CCSER1: variants seen among roughly 807,000 people sequenced by gnomAD.
CCSER1 encodes the protein serine-rich coiled-coil domain-containing protein 1.
Under a neutral mutation model 82.0 loss-of-function variants are expected in CCSER1, and 41 were observed. That is an observed-to-expected ratio of 0.50 (90% CI 0.39 to 0.65). The LOEUF (loss-of-function observed/expected upper bound fraction) is 0.65, where lower values mean the gene tolerates loss of function less well. CCSER1 is among the 30% of genes least tolerant of loss of function. The pLI is 0.00. For missense variants in CCSER1, 1,119 were observed against 1,064.2 expected (o/e 1.05, Z -0.72); for synonymous variants, 414 against 383.9 (o/e 1.08, Z -0.92).
At chr4:91,283,793 T>A (rs1466390265) in intron 10 of CCSER1, among the ~76,000 whole-genome samples, 2 of 151,668 alleles carry the variant, frequency 1.3e-5, no homozygotes, top group African/African-American at 2.4e-5. Flanking sequence ...AAAAAAAAAA[T>A]TTGTTTTATT....
At chr4:91,021,458 AAT>A (rs1324639265) in intron 9 of CCSER1, among the ~76,000 whole-genome samples, 1 of 152,224 alleles carries the variant, frequency 6.6e-6, no homozygotes, top group African/African-American at 2.4e-5. Context: ...TTGATTTAAA[AAT>A]AGTTTTTTTA....
intron 7 of CCSER1, among the ~76,000 whole-genome samples, chr4:90,813,463 T>C (rs2149754092): frequency 6.6e-6 from 1 of 152,262 alleles, no homozygotes; most frequent in South Asian, 2.1e-4. Flanking sequence ...TTTGGCTGTG[T>C]CCCCACCCAA....
chr4:90,156,385 A>T (rs916195652), intron 1 of CCSER1, among the ~76,000 whole-genome samples: 2 of 152,190 alleles, frequency 1.3e-5, no homozygotes, highest in Admixed American at 6.5e-5. Flanking sequence ...GATTTCTATT[A>T]GGTCCACTTC....
chr4:90,825,609 G>T (rs1306659904), intron 8 of CCSER1, among the ~76,000 whole-genome samples: 1 of 151,994 alleles, frequency 6.6e-6, no homozygotes, highest in Admixed American at 6.6e-5. Flanking sequence ...GTTTAAAGAT[G>T]TAATTGGCTT....
chr4:90,458,633 G>A (rs567804086), intron 4 of CCSER1, among the ~76,000 whole-genome samples: 2 of 152,016 alleles, frequency 1.3e-5, no homozygotes, highest in Non-Finnish European at 2.9e-5. Context: ...GGGATTAAAG[G>A]CGTGAGCCAC....
At chr4:91,031,175 A>G (rs145961285) in intron 9 of CCSER1, among the ~76,000 whole-genome samples, 348 of 152,304 alleles carry the variant, frequency 2.3e-3, no homozygotes, top group African/African-American at 7.0e-3. Flanking sequence ...ACTATTACAG[A>G]TGTCACTGCC....
intron 8 of CCSER1, among the ~76,000 whole-genome samples, chr4:90,915,873 GACAA>G (rs751286557): frequency 6.6e-6 from 1 of 151,756 alleles, no homozygotes; most frequent in Non-Finnish European, 1.5e-5. Context: ...ACCAATAACA[GACAA>G]ACAGAGAGCC....
chr4:90,883,884 G>C (rs1170526332), intron 8 of CCSER1, among the ~76,000 whole-genome samples: 1 of 152,124 alleles, frequency 6.6e-6, no homozygotes, highest in Non-Finnish European at 1.5e-5. Context: ...GAAAGAAGGA[G>C]AAAGGGAAAT....
intron 6 of CCSER1, among the ~76,000 whole-genome samples, chr4:90,698,635 G>A (rs939268067): frequency 6.6e-6 from 1 of 152,158 alleles, no homozygotes; most frequent in African/African-American, 2.4e-5. Context: ...CCAATGTAAT[G>A]TATTGAACCT....
intron 3 of CCSER1, among the ~76,000 whole-genome samples, chr4:90,394,034 C>A (rs1268007726): frequency 1.3e-5 from 2 of 151,392 alleles, no homozygotes; most frequent in African/African-American, 4.8e-5. Context: ...TGTGCCTCAG[C>A]CTCCCAAAGT....
intron 10 of CCSER1, among the ~76,000 whole-genome samples, chr4:91,340,992 A>G (rs1458046013): frequency 6.6e-6 from 1 of 152,194 alleles, no homozygotes; most frequent in East Asian, 1.9e-4. Flanking sequence ...TAATGGACAT[A>G]ACTGAAACTC....
chr4:91,086,998 G>A (rs190958135), intron 10 of CCSER1, among the ~76,000 whole-genome samples: 3 of 152,194 alleles, frequency 2.0e-5, no homozygotes, highest in Non-Finnish European at 4.4e-5. Flanking sequence ...CATGTTGTAG[G>A]AGAGCAAGAT....
intron 10 of CCSER1, among the ~76,000 whole-genome samples, chr4:91,393,944 A>G (rs910710900): frequency 1.3e-5 from 2 of 152,076 alleles, no homozygotes. Flanking sequence ...CTTCCCTCCC[A>G]TTACTTTTCT....
chr4:91,082,855 A>T (rs182405725), intron 9 of CCSER1, among the ~76,000 whole-genome samples: 2,613 of 152,330 alleles, frequency 0.017, 81 homozygotes, highest in African/African-American at 0.059. Flanking sequence ...TCAAAACCAC[A>T]ATGAGATACC....
At chr4:91,359,332 G>A (rs894654635) in intron 10 of CCSER1, among the ~76,000 whole-genome samples, 5 of 151,812 alleles carry the variant, frequency 3.3e-5, no homozygotes, top group Admixed American at 6.6e-5. Context: ...CAGGCCTGGC[G>A]CCAGGCTGCC....
intron 3 of CCSER1, among the ~76,000 whole-genome samples, chr4:90,329,598 G>A (rs567005064): frequency 3.0e-3 from 454 of 152,160 alleles, no homozygotes; most frequent in Non-Finnish European, 4.3e-3. Flanking sequence ...TAAGGGTAAT[G>A]TGCTATTTAC....
rs181253862 is a variant in CCSER1, at chr4:90,262,739, A to G, written c.-41-45505A>G. ...TGGGAGCTACCTTAACTCCCCTGCC[A>G]GGCCAGTAGGAAATCTGTCTACCTC... On this transcript the variant is annotated intron_variant, in intron 1 of 10. Coordinates refer to ENST00000509176, the MANE Select transcript of CCSER1 (RefSeq NM_001145065.2). Among the ~76,000 whole-genome samples, 551 of 152,226 alleles carry G rather than the reference A, an allele frequency of 3.6e-3. 5 individuals carry two copies. Among genetic ancestry groups the G allele is most frequent in the Middle Eastern group, 0.014 (4 of 294 alleles).
intron 5 of CCSER1, among the ~76,000 whole-genome samples, chr4:90,567,039 A>G (rs1159994570): frequency 6.6e-6 from 1 of 150,430 alleles, no homozygotes. Context: ...AACAAAAACA[A>G]AAAAACCTCT....
intron 3 of CCSER1, among the ~76,000 whole-genome samples, chr4:90,353,670 G>GTAGGTTTTTTTCC (rs1184915394): frequency 1.3e-5 from 2 of 152,156 alleles, no homozygotes; most frequent in African/African-American, 4.8e-5. Flanking sequence ...AGAAAACAAG[G>GTAGGTTTTTTTCC]TAGGCTTATG....
Sources: gnomAD v4.1 joint callset for allele counts (sites outside exome capture counted in the v4.1 genomes callset) on GRCh38, gnomAD v4.1.1 for gene constraint, MANE v1.5 for transcripts, NCBI Gene and HGNC (gene_info 2026-07-23, HGNC 2026-07-21) for gene names.